The following PLD5 variants were observed in gnomAD, a reference collection of about 807,000 sequenced individuals.
PLD5 encodes the protein phospholipase D family member 5.
PLD5 carries 36 observed loss-of-function variants against 61.1 expected under a neutral mutation model. That is an observed-to-expected ratio of 0.59 (90% CI 0.45 to 0.78). PLD5 has a LOEUF of 0.78. PLD5 is among the 30% of genes least tolerant of loss of function. PLD5 has a pLI of 0.00. For synonymous variants in PLD5, 243 were observed against 242.8 expected, an observed-to-expected ratio of 1.00 and a Z score of -0.01; for missense variants, 515 against 644.4, an observed-to-expected ratio of 0.80 and a Z score of 2.17.
chr1:242,527,387 C>T (rs1669473582), upstream of PLD5, among the ~76,000 whole-genome samples: 3 of 152,212 alleles, frequency 2.0e-5, no homozygotes, highest in South Asian at 4.2e-4. Flanking sequence ...CTGCCCGCCT[C>T]GGCCTCCCAA....
chr1:242,490,022 A>C (rs972963780), intron 1 of PLD5, among the ~76,000 whole-genome samples: 2 of 152,248 alleles, frequency 1.3e-5, no homozygotes, highest in South Asian at 2.1e-4. Context: ...GAGCCATTCG[A>C]ACTTTTAAGA....
At chr1:242,424,199 A>T (rs1665296217) in intron 1 of PLD5, among the ~76,000 whole-genome samples, 1 of 152,048 alleles carries the variant, frequency 6.6e-6, no homozygotes, top group Non-Finnish European at 1.5e-5. Context: ...AATCCCTCTC[A>T]ATCTGGCTCC....
chr1:242,152,743 A>G (rs1000920062), intron 5 of PLD5, among the ~76,000 whole-genome samples: 1 of 152,102 alleles, frequency 6.6e-6, no homozygotes, highest in African/African-American at 2.4e-5. Context: ...CATTTTCTTT[A>G]ACCAGTCTAT....
At chr1:242,244,664 G>A (rs561947543) in intron 4 of PLD5, among the ~76,000 whole-genome samples, 2 of 152,270 alleles carry the variant, frequency 1.3e-5, no homozygotes, top group South Asian at 2.1e-4. Context: ...GCTTCCTTAC[G>A]GAGAATGCAC....
intron 9 of PLD5, among the ~76,000 whole-genome samples, chr1:242,092,645 G>A (rs910479321): frequency 3.3e-5 from 5 of 152,130 alleles, no homozygotes; most frequent in African/African-American, 1.2e-4. Context: ...AGGTTTCGCT[G>A]CAGAAATCAC....
intron 1 of PLD5, among the ~76,000 whole-genome samples, chr1:242,517,955 C>T (rs1572281047): frequency 6.6e-6 from 1 of 152,212 alleles, no homozygotes; most frequent in Admixed American, 6.5e-5. Context: ...ATTGCTGGAT[C>T]AGACCTAACA....
rs558493400 is a variant in PLD5 at position 242,321,691 on chromosome 1, G to GTT, written c.326+26413_326+26414dup. Reference sequence around the variant, plus strand: ...ATAACCTGTTCTGCCATCATTACCTGTTTTTGAACCCCCATTTTTTCTGTA... The same window carrying GTT: ...ATAACCTGTTCTGCCATCATTACCTGTTTTTTTGAACCCCCATTTTTTCTGTA... On this transcript the variant is annotated intron_variant, in intron 2 of 9. Coordinates refer to ENST00000536534, the MANE Select transcript of PLD5 (RefSeq NM_001372062.1). Among the ~76,000 whole-genome samples, 867 of 152,124 alleles carry GTT rather than the reference G, an allele frequency of 5.7e-3. 6 individuals carry two copies. Among genetic ancestry groups the GTT allele is most frequent in the African/African-American group, 0.02 (820 of 41,496 alleles).
rs759940092 is a variant in PLD5 at position 242,256,875 on chromosome 1, CTT to C, written c.607+8460_607+8461del. On this transcript the variant is annotated intron_variant, in intron 4 of 9. Coordinates refer to ENST00000536534, the MANE Select transcript of PLD5 (RefSeq NM_001372062.1). The surrounding 1 kb of genome is among the most constrained non-coding windows in gnomAD (Gnocchi z 5.7). Reference sequence around the variant, plus strand: ...TGCCATCTATCTTCCTATCTTCTTTCTTTTCTCTCCCTCTTCTTTCTCTTTCT... The same window carrying C: ...TGCCATCTATCTTCCTATCTTCTTTCTTCTCTCCCTCTTCTTTCTCTTTCT... Among the ~76,000 whole-genome samples, 30 of 150,474 alleles carry C rather than the reference CTT, an allele frequency of 2.0e-4. No homozygotes were observed. The highest frequency in any genetic ancestry group is 2.4e-4 in the African/African-American group (10 of 40,838).
At position 242,394,494 on chromosome 1, in the gene PLD5, A is replaced by G. The variant is rs558276837; in HGVS notation, c.190-46252T>C. 7.1e-5 allele frequency among the ~76,000 whole-genome samples: 6 copies of G among 84,812 alleles called. 1 individual carries two copies. The highest frequency in any genetic ancestry group is 5.0e-4 in the South Asian group (1 of 1,990). The allele number at this position is 84,812 out of a possible 152,430, so 55.6% of individuals were successfully genotyped here. ...TATATATGTGTATATATGTGAACAT[A>G]TATATGTGTATATATGTGAACATAT... On this transcript the variant is annotated intron_variant, in intron 1 of 9. Coordinates refer to ENST00000536534, the MANE Select transcript of PLD5 (RefSeq NM_001372062.1).
intron 5 of PLD5, among the ~76,000 whole-genome samples, chr1:242,161,288 A>C (rs1665804387): frequency 6.6e-6 from 1 of 152,128 alleles, no homozygotes; most frequent in South Asian, 2.1e-4. Context: ...GAGCATGTGC[A>C]GGGGAACTCC....
intron 5 of PLD5, among the ~76,000 whole-genome samples, chr1:242,175,659 GTC>G (rs1667092147): frequency 6.6e-6 from 1 of 152,268 alleles, no homozygotes; most frequent in African/African-American, 2.4e-5. Context: ...AAATCAAATT[GTC>G]TCTGTTTGCA....
chr1:242,119,676 C>A (rs544539882), intron 6 of PLD5, among the ~76,000 whole-genome samples: 40 of 152,154 alleles, frequency 2.6e-4, no homozygotes, highest in Non-Finnish European at 4.9e-4. Flanking sequence ...CAGAAAATAA[C>A]AAGTGTTGCC....
intron 1 of PLD5, among the ~76,000 whole-genome samples, chr1:242,381,254 T>A (rs2149255589): frequency 6.6e-6 from 1 of 152,272 alleles, no homozygotes; most frequent in Non-Finnish European, 1.5e-5. Flanking sequence ...TGGAGGGATA[T>A]GAATGGAGCT....
intron 3 of PLD5, among the ~76,000 whole-genome samples, chr1:242,266,865 C>T (rs1673709670): frequency 6.6e-6 from 1 of 152,046 alleles, no homozygotes; most frequent in Non-Finnish European, 1.5e-5. Context: ...ACCTGTAATC[C>T]CAGCACTTTG....
At chr1:242,212,114 A>T (rs576007190) in intron 5 of PLD5, among the ~76,000 whole-genome samples, 1 of 152,232 alleles carries the variant, frequency 6.6e-6, no homozygotes, top group South Asian at 2.1e-4. Context: ...TAAAAAGGAG[A>T]AGGAGGAAGA....
chr1:242,334,092 T>C (rs994356938), intron 2 of PLD5, among the ~76,000 whole-genome samples: 2 of 152,004 alleles, frequency 1.3e-5, no homozygotes, highest in South Asian at 2.1e-4. Context: ...CTGTTCTCCA[T>C]AGTGACTGTA....
chr1:242,377,281 T>A (rs760303550), intron 1 of PLD5: 20 of 1,609,144 alleles, frequency 1.2e-5, no homozygotes, highest in Non-Finnish European at 1.6e-5. Context: ...AGGTTTTCAG[T>A]GGTGAAGCCA....
intron 5 of PLD5, among the ~76,000 whole-genome samples, chr1:242,197,847 T>A (rs1668736288): frequency 6.6e-6 from 1 of 152,178 alleles, no homozygotes; most frequent in South Asian, 2.1e-4. Context: ...TTGGCCAGGC[T>A]GGTCTCGAAC....
intron 2 of PLD5, among the ~76,000 whole-genome samples, chr1:242,315,203 A>G (rs1401712266): frequency 6.6e-6 from 1 of 152,178 alleles, no homozygotes; most frequent in Non-Finnish European, 1.5e-5. Context: ...CAAACACTAT[A>G]AGGTAGGCAC....
Sources: gnomAD v4.1 joint callset for allele counts (sites outside exome capture counted in the v4.1 genomes callset) on GRCh38, gnomAD v4.1.1 for gene constraint, Gnocchi (gnomAD v3.1) non-coding constraint, MANE v1.5 for transcripts, NCBI Gene and HGNC (gene_info 2026-07-23, HGNC 2026-07-21) for gene names.